The following CCDC190 variants were observed in gnomAD, a reference collection of about 807,000 sequenced individuals.
CCDC190 encodes coiled-coil domain containing 190, also known as coiled-coil domain-containing protein 190.
CCDC190 carries 10 observed loss-of-function variants against 13.1 expected under a neutral mutation model. That is an observed-to-expected ratio of 0.77 (90% CI 0.47 to 1.30). The LOEUF is 1.30. Ranked by LOEUF, CCDC190 falls within the 50% of genes most tolerant of loss-of-function variation. CCDC190 has a pLI of 0.00. For missense variants in CCDC190, 375 were observed against 354.3 expected (o/e 1.06, Z -0.47); for synonymous variants, 136 against 127.2 (o/e 1.07, Z -0.47).
At chr1:162,867,881 A>T (rs1650762024) in intron 1 of CCDC190, among the ~76,000 whole-genome samples, 1 of 152,218 alleles carries the variant, frequency 6.6e-6, no homozygotes, top group African/African-American at 2.4e-5. Context: ...TGCACAATTA[A>T]TCTATGATGA....
chr1:162,854,409 C>A lies in CCDC190; in HGVS notation c.*356G>T. 9.6e-7 allele frequency: 1 copy of A among 1,045,806 alleles called. No individual in the cohort carries two copies. The highest frequency in any genetic ancestry group is 1.2e-6 in the Non-Finnish European group (1 of 867,220). 64.8% of individuals were successfully genotyped at this position (1,045,806 alleles called of 1,614,324 possible). ...ACTAAAACAGAGAGAATAGCTATGC[C>A]GTTTTGCCAGCAGGTGGCACCATGA... On this transcript the variant is annotated 3_prime_UTR_variant, in exon 4 of 4. Coordinates refer to ENST00000367912, the MANE Select transcript of CCDC190 (RefSeq NM_001394065.1).
At chr1:162,864,994 A>G (rs183496799), upstream of CCDC190, among the ~76,000 whole-genome samples, 3 of 152,216 alleles carry the variant, frequency 2.0e-5, no homozygotes, top group East Asian at 3.9e-4. Context: ...TATCATGCTG[A>G]CAAAGAAATA....
intron 2 of CCDC190, among the ~76,000 whole-genome samples, chr1:162,857,801 A>G (rs1435603622): frequency 6.6e-6 from 1 of 152,178 alleles, no homozygotes; most frequent in African/African-American, 2.4e-5. Flanking sequence ...TGTCCAATTT[A>G]AATATGGGCA....
chr1:162,853,111 T>G lies in CCDC190; in HGVS notation c.*1654A>C, dbSNP rs766682327. 1.9e-6 allele frequency: 3 copies of G among 1,550,134 alleles called. No individual in the cohort carries two copies. Among genetic ancestry groups the G allele is most frequent in the Non-Finnish European group, 2.6e-6 (3 of 1,146,450 alleles). On this transcript the variant is annotated 3_prime_UTR_variant, in exon 4 of 4. Coordinates refer to ENST00000367912, the MANE Select transcript of CCDC190 (RefSeq NM_001394065.1). ...AGTGTTGGAGGAAGCAGATTTCTTG[T>G]GTTCCTTTCACTATAAAGTATTGTC...
chr1:162,857,945 G>T (rs1650362326), intron 2 of CCDC190, among the ~76,000 whole-genome samples: 1 of 152,142 alleles, frequency 6.6e-6, no homozygotes, highest in Non-Finnish European at 1.5e-5. Flanking sequence ...TAAAAATGTG[G>T]ATTTTTAAGC....
chr1:162,866,947 A>C (rs1383534874), intron 1 of CCDC190, among the ~76,000 whole-genome samples: 1 of 152,176 alleles, frequency 6.6e-6, no homozygotes, highest in Non-Finnish European at 1.5e-5. Flanking sequence ...AATTATTTTA[A>C]AATTGATTAT....
chr1:162,861,894 G>C (rs914986469), upstream of CCDC190, among the ~76,000 whole-genome samples: 8 of 152,140 alleles, frequency 5.3e-5, no homozygotes, highest in East Asian at 1.2e-3. Context: ...AGTTTACTGA[G>C]AGGCAGGCAG....
In CCDC190 at chr1:162,853,282, G is replaced by T. The variant is rs1650175296; in HGVS notation, c.*1483C>A. The T allele has an allele frequency of 3.0e-6, 2 of 675,168 alleles. No homozygotes were observed. Among genetic ancestry groups the T allele is most frequent in the Non-Finnish European group, 4.8e-6 (2 of 419,952 alleles). The allele number at this position is 675,168 out of a possible 1,614,324, so 41.8% of individuals were successfully genotyped here. ...TAGAAGAGAGATCAAATGCTAGTCTGCCATCTATTAGCAAGTTACCACCAC... is the reference window on the plus strand; with the variant it reads ...TAGAAGAGAGATCAAATGCTAGTCTTCCATCTATTAGCAAGTTACCACCAC... On this transcript the variant is annotated 3_prime_UTR_variant, in exon 4 of 4. Transcript: ENST00000367912.
At chr1:162,859,741 T>A in intron 1 of CCDC190, 83 bp from the exon 2 acceptor site, 2 of 1,140,382 alleles carry the variant, frequency 1.8e-6, no homozygotes, top group Non-Finnish European at 2.4e-6. Context: ...AGATCAGTGG[T>A]AGAACCTGTG....
At chr1:162,861,649 T>G (rs1003425081), upstream of CCDC190, among the ~76,000 whole-genome samples, 3 of 152,198 alleles carry the variant, frequency 2.0e-5, no homozygotes, top group Non-Finnish European at 2.9e-5. Flanking sequence ...ACTTCGGTGC[T>G]TATCAAGATT....
rs1650178992 is a variant in CCDC190 at position 162,853,412 on chromosome 1, A to T, written c.*1353T>A. Among the ~76,000 whole-genome samples, 1 of 152,246 alleles carries T rather than the reference A, an allele frequency of 6.6e-6. No individual in the cohort carries two copies. The highest frequency in any genetic ancestry group is 2.4e-5 in the African/African-American group (1 of 41,466). ...AGGATCAGTTGGCATGCTGTGTGGA[A>T]TGTGTCAGGATAGGGGGAGGTACTG... is the stretch of plus-strand genomic sequence containing the variant. On this transcript the variant is annotated 3_prime_UTR_variant, in exon 4 of 4. Transcript: ENST00000367912.
rs201168794 is a variant in CCDC190 at position 162,854,963 on chromosome 1, G to A, written c.708C>T (p.Phe236=). The A allele has an allele frequency of 2.2e-5, 35 of 1,613,984 alleles. No homozygotes were observed. In the Admixed American group the frequency reaches 2.5e-4, roughly 12 times the overall value. The change falls in exon 4 of 4, where the codon TTC becomes TTT. Residue 236 remains phenylalanine (F), a synonymous_variant. Coordinates refer to ENST00000367912, the MANE Select transcript of CCDC190 (RefSeq NM_001394065.1). ...PPKHMECAGS[F]EGEFTKPTFL... The stretch of plus-strand genomic sequence containing the variant: ...AGGTTGGCTTTGTGAACTCGCCTTC[G>A]AAGCTTCCTGCACATTCCATGTGTT...
upstream of CCDC190, among the ~76,000 whole-genome samples, chr1:162,862,564 T>C (rs1472425528): frequency 6.6e-6 from 1 of 152,178 alleles, no homozygotes; most frequent in African/African-American, 2.4e-5. Flanking sequence ...AGAAGGGATG[T>C]GAGTGCAGAT....
chr1:162,858,179 C>T (rs1371610975), intron 2 of CCDC190, among the ~76,000 whole-genome samples: 1 of 152,192 alleles, frequency 6.6e-6, no homozygotes, highest in African/African-American at 2.4e-5. Flanking sequence ...AATATGACTT[C>T]CCAAAGGACA....
rs1395056754 is a variant in CCDC190, at chr1:162,854,931, T to G, written c.740A>C (p.Glu247Ala). The G allele has an allele frequency of 1.2e-6, 2 of 1,614,042 alleles. No homozygotes were observed. Among genetic ancestry groups the G allele is most frequent in the Non-Finnish European group, 1.7e-6 (2 of 1,179,890 alleles). Residue 247 changes from glutamate (E) to alanine (A), a missense_variant, in exon 4 of 4, where the codon GAG becomes GCG. Glu to Ala is a moderately radical substitution (Grantham distance 107). Transcript: ENST00000367912. ...EGEFTKPTFL[E>A]LLSKARNAHY... ...GGCATTTCTGGCCTTTGAAAGCAAC[T>G]CTAAGAAGGTTGGCTTTGTGAACTC...
chr1:162,865,903 A>G (rs1304999197), upstream of CCDC190, among the ~76,000 whole-genome samples: 1 of 152,198 alleles, frequency 6.6e-6, no homozygotes, highest in African/African-American at 2.4e-5. Context: ...TCAGTGAGGC[A>G]AGAAAAAGAT....
upstream of CCDC190, among the ~76,000 whole-genome samples, chr1:162,865,248 C>A (rs76553815): frequency 6.6e-6 from 1 of 151,970 alleles, no homozygotes; most frequent in South Asian, 2.1e-4. Context: ...GAAGCAAAAA[C>A]GAATAGAATT....
At position 162,855,628 on chromosome 1, in the gene CCDC190, T is replaced by C; in HGVS notation, c.311+4A>G. 2 of 1,613,372 alleles carry C rather than the reference T, an allele frequency of 1.2e-6. No individual in the cohort carries two copies. The highest frequency in any genetic ancestry group is 1.7e-6 in the Non-Finnish European group (2 of 1,179,638). On this transcript the variant is annotated splice_donor_region_variant and intron_variant, in intron 3 of 3. Coordinates refer to ENST00000367912, the MANE Select transcript of CCDC190 (RefSeq NM_001394065.1). ...ACCCATGGGTTTAGTAATCCATTTC[T>C]TACCTCATTTTCTTAGCCTGTGGGG...
Position 162,855,867 on chromosome 1 carries a change from C to A in CCDC190, c.188-112G>T, listed in dbSNP as rs542820848. On this transcript the variant is annotated intron_variant, in intron 2 of 3. Transcript: ENST00000367912. ...GTGGGACCTTATTTGGAGATAAGGTCTTTACAGAGAAAATCAAATTAAAAT... is the reference window on the plus strand; with the variant it reads ...GTGGGACCTTATTTGGAGATAAGGTATTTACAGAGAAAATCAAATTAAAAT... 4.5e-5 allele frequency: 41 copies of A among 913,392 alleles called. No individual in the cohort carries two copies. The African/African-American group carries it at 6.4e-4, about 14-fold the overall frequency. The allele number at this position is 913,392 out of a possible 1,614,324, so 56.6% of individuals were successfully genotyped here. A position where few individuals can be genotyped will look rare whatever the true frequency, so the allele number is the denominator to read the frequency against.
Sources: allele counts gnomAD v4.1 joint callset (sites outside exome capture counted in the v4.1 genomes callset), GRCh38; gene constraint gnomAD v4.1.1; transcripts MANE v1.5; gene names NCBI Gene and HGNC (gene_info 2026-07-23, HGNC 2026-07-21).